KIFC3: variants seen among roughly 807,000 people sequenced by gnomAD.
KIFC3 encodes the protein kinesin family member C3, also known as kinesin-like protein KIFC3.
A neutral mutation model predicts 101.8 loss-of-function variants in KIFC3; 60 were observed. That is an observed-to-expected ratio of 0.59 (90% CI 0.48 to 0.73). The LOEUF (loss-of-function observed/expected upper bound fraction) is 0.73, where lower values mean the gene tolerates loss of function less well. KIFC3 is among the 30% of genes least tolerant of loss of function. KIFC3 has a pLI of 0.00. For missense variants in KIFC3, 966 were observed against 1,137.1 expected, an observed-to-expected ratio of 0.85 and a Z score of 2.16; for synonymous variants, 476 against 482.7, an observed-to-expected ratio of 0.99 and a Z score of 0.18.
At chr16:57,857,524 C>A (rs1164726365) in intron 1 of KIFC3, among the ~76,000 whole-genome samples, 1 of 151,642 alleles carries the variant, frequency 6.6e-6, no homozygotes, top group Non-Finnish European at 1.5e-5. Flanking sequence ...TTAGGTATTT[C>A]TCCTAATGCT....
At chr16:57,858,680 C>G (rs1286134424) in intron 1 of KIFC3, among the ~76,000 whole-genome samples, 1 of 152,110 alleles carries the variant, frequency 6.6e-6, no homozygotes, top group Non-Finnish European at 1.5e-5. Context: ...GGTGCAGTGG[C>G]TCACACCTGT....
At chr16:57,820,661 C>T (rs2055330023) in intron 1 of KIFC3, among the ~76,000 whole-genome samples, 2 of 152,204 alleles carry the variant, frequency 1.3e-5, no homozygotes, top group South Asian at 4.1e-4. Flanking sequence ...CTTAGCAAAA[C>T]CTATGATTAC....
intron 3 of KIFC3, chr16:57,776,250 C>G (rs1239302783): frequency 1.0e-6 from 1 of 985,364 alleles, no homozygotes; most frequent in Non-Finnish European, 1.2e-6. Flanking sequence ...CTCAAGGAAA[C>G]TCAGCCCAGA....
At chr16:57,791,776 A>T (rs1008139736) in intron 3 of KIFC3, among the ~76,000 whole-genome samples, 1 of 152,204 alleles carries the variant, frequency 6.6e-6, no homozygotes, top group Non-Finnish European at 1.5e-5. Flanking sequence ...CTGCCTTCCA[A>T]TTTAACTACA....
At chr16:57,820,713 T>C (rs1181762261) in intron 1 of KIFC3, among the ~76,000 whole-genome samples, 2 of 152,246 alleles carry the variant, frequency 1.3e-5, no homozygotes, top group Non-Finnish European at 2.9e-5. Flanking sequence ...CTTTCTCTCA[T>C]GAAGACAAGA....
In KIFC3 at chr16:57,772,208, G is replaced by A. The variant is rs111768005; in HGVS notation, c.381+15C>T. The A allele has an allele frequency of 6.2e-7, 1 of 1,611,978 alleles. No individual in the cohort carries two copies. Among genetic ancestry groups the A allele is most frequent in the Non-Finnish European group, 8.5e-7 (1 of 1,179,122 alleles). On this transcript the variant is annotated intron_variant, in intron 4 of 19. Coordinates refer to ENST00000445690, the MANE Select transcript of KIFC3 (RefSeq NM_001130100.2). ...CCAGGCCCTGCGCTACCCCAGGACA[G>A]CCTTGTGGCCTCACCAGCTCAGATC...
intron 1 of KIFC3, among the ~76,000 whole-genome samples, chr16:57,812,672 T>C (rs1366122801): frequency 1.3e-5 from 2 of 152,066 alleles, no homozygotes; most frequent in South Asian, 2.1e-4. Context: ...AGAGACCCCA[T>C]GAGTCAGGGT....
chr16:57,762,300 C>A, intron 12 of KIFC3, 30 bp from the exon 13 acceptor site: 1 of 1,500,740 alleles, frequency 6.7e-7, no homozygotes, highest in Non-Finnish European at 8.9e-7. Flanking sequence ...CCCCAGTAAG[C>A]CAGGCCTGTC....
intron 3 of KIFC3, among the ~76,000 whole-genome samples, chr16:57,787,182 C>A (rs1292215261): frequency 1.3e-5 from 2 of 152,248 alleles, no homozygotes; most frequent in South Asian, 2.1e-4. Flanking sequence ...CAGGCTGCTG[C>A]AGTGAGGCAG....
At chr16:57,861,683 C>T (rs1959281018) in intron 1 of KIFC3, among the ~76,000 whole-genome samples, 2 of 152,092 alleles carry the variant, frequency 1.3e-5, no homozygotes, top group Admixed American at 6.6e-5. Flanking sequence ...CTAGGCCAGG[C>T]GCGGTAGCTC....
intron 1 of KIFC3, chr16:57,816,558 C>T: frequency 2.2e-6 from 1 of 456,758 alleles, no homozygotes; most frequent in South Asian, 1.5e-5. Context: ...TGACAGCTGG[C>T]TGCTCTGAGT....
chr16:57,831,689 A>AAAGAT (rs1175546040), intron 1 of KIFC3, among the ~76,000 whole-genome samples: 1 of 152,152 alleles, frequency 6.6e-6, no homozygotes, highest in Non-Finnish European at 1.5e-5. Context: ...AAAGAAAAGA[A>AAAGAT]AAGAAAGAAA....
At chr16:57,783,277 G>C (rs2052931228) in intron 3 of KIFC3, among the ~76,000 whole-genome samples, 1 of 152,198 alleles carries the variant, frequency 6.6e-6, no homozygotes, top group Admixed American at 6.5e-5. Context: ...AAGGTTGCCA[G>C]GGGCTGTGGG....
chr16:57,769,651 G>A lies in KIFC3; in HGVS notation c.1162C>T (p.Gln388Ter). ...LTNDYNGLKR[Q>*]VRGFPLLLQE... ...AGCAGCAGTGGGAAGCCGCGCACCT[G>A]CCGCTTGAGCCCATTGTAGTCGTTG... is the stretch of plus-strand genomic sequence containing the variant. Residue 388 changes from glutamine (Q) to a stop codon, truncating the protein, a stop_gained, in exon 9 of 20, where the codon CAG becomes TAG. Coordinates refer to ENST00000445690, the MANE Select transcript of KIFC3 (RefSeq NM_001130100.2). LOFTEE classifies it high-confidence loss of function. The surrounding 1 kb of genome is among the most constrained non-coding windows in gnomAD (Gnocchi z 4.3). 1 of 1,611,744 alleles carries A rather than the reference G, an allele frequency of 6.2e-7. No individual in the cohort carries two copies. Among genetic ancestry groups the A allele is most frequent in the Non-Finnish European group, 8.5e-7 (1 of 1,180,024 alleles).
At chr16:57,761,368 C>T (rs2049833499) in intron 14 of KIFC3, 45 bp downstream of exon 14, 1 of 1,612,610 alleles carries the variant, frequency 6.2e-7, no homozygotes, top group African/African-American at 1.3e-5. Context: ...CCAGTTGTGT[C>T]CTCTAGAGCA....
rs573994718 is a variant in KIFC3, at chr16:57,795,140, C to A, written c.174G>T (p.Gly58=). 3.7e-6 allele frequency: 6 copies of A among 1,610,370 alleles called. No individual in the cohort carries two copies. The highest frequency in any genetic ancestry group is 2.2e-5 in the South Asian group (2 of 90,592). ...CGCAGACTGGGGTATCTTTTCCACGCCCTGTCCCAGGACAGAGAGATAGGT... is the reference window on the plus strand; with the variant it reads ...CGCAGACTGGGGTATCTTTTCCACGACCTGTCCCAGGACAGAGAGATAGGT... ...PHTGPGRLRT[G]RGKDTPVCGD... Residue 58 remains glycine, a splice_region_variant and synonymous_variant, in exon 3 of 20, where the codon GGG becomes GGT. Coordinates refer to ENST00000445690, the MANE Select transcript of KIFC3 (RefSeq NM_001130100.2).
At chr16:57,765,791 T>C in intron 10 of KIFC3, 151 bp from the exon 11 acceptor site, 4 of 646,986 alleles carry the variant, frequency 6.2e-6, no homozygotes, top group Non-Finnish European at 1.1e-5. Flanking sequence ...ACAAAGCTGT[T>C]ATCCGTCATT....
upstream of KIFC3, chr16:57,802,958 C>T: frequency 6.5e-7 from 1 of 1,535,194 alleles, no homozygotes; most frequent in Non-Finnish European, 8.7e-7. This position sits in a 1 kb window ranked among gnomAD's most constrained non-coding sequence, Gnocchi z 5.0. Context: ...AGCTCTTACT[C>T]ACGAGACAAT....
At position 57,769,459 on chromosome 16, in the gene KIFC3, G is replaced by A; in HGVS notation, c.1218+136C>T. The A allele has an allele frequency of 9.3e-7, 1 of 1,070,410 alleles. No individual in the cohort carries two copies. The highest frequency in any genetic ancestry group is 2.5e-5 in the East Asian group (1 of 39,928). 66.3% of individuals were successfully genotyped at this position (1,070,410 alleles called of 1,614,324 possible). A position where few individuals can be genotyped will look rare whatever the true frequency, so the allele number is the denominator to read the frequency against. ...ACAGGGCCTATAAGGGCAGCAGTAA[G>A]TGTCATGGGGGGTGGGGCAGGGGCT... On this transcript the variant is annotated intron_variant, in intron 9 of 19. Coordinates refer to ENST00000445690, the MANE Select transcript of KIFC3 (RefSeq NM_001130100.2). The surrounding 1 kb of genome is among the most constrained non-coding windows in gnomAD (Gnocchi z 4.3).
Sources: allele counts gnomAD v4.1 joint callset (sites outside exome capture counted in the v4.1 genomes callset), GRCh38; gene constraint gnomAD v4.1.1; non-coding constraint Gnocchi (gnomAD v3.1); transcripts MANE v1.5; gene names NCBI Gene and HGNC (gene_info 2026-07-23, HGNC 2026-07-21).